C1orf105: variants seen among roughly 807,000 people sequenced by gnomAD.
C1orf105 encodes chromosome 1 open reading frame 105.
A neutral mutation model predicts 20.8 loss-of-function variants in C1orf105; 17 were observed. The ratio of observed to expected loss-of-function variants is 0.82; its 90% CI spans 0.56 to 1.23. C1orf105 has a LOEUF of 1.23. C1orf105 is among the 50% of genes most tolerant of loss of function. C1orf105 has a pLI of 0.00. For synonymous variants in C1orf105, 72 were observed against 72.1 expected (o/e 1.00, Z 0.01); for missense variants, 219 against 213.5 (o/e 1.03, Z -0.16).
intron 1 of C1orf105, among the ~76,000 whole-genome samples, chr1:172,437,634 A>C (rs1410413842): frequency 1.3e-5 from 2 of 151,206 alleles, no homozygotes; most frequent in East Asian, 3.9e-4. Context: ...ACCTAATGTA[A>C]ATGACGAGTT....
chr1:172,438,717 T>G (rs1052889720), intron 1 of C1orf105, among the ~76,000 whole-genome samples: 1 of 152,214 alleles, frequency 6.6e-6, no homozygotes, highest in South Asian at 2.1e-4. Flanking sequence ...CTACTGTGAG[T>G]AAAATGCTAT....
chr1:172,460,392 T>C (rs1649604549), intron 4 of C1orf105, among the ~76,000 whole-genome samples: 1 of 145,494 alleles, frequency 6.9e-6, no homozygotes, highest in Non-Finnish European at 1.5e-5. Context: ...GATATTTGCC[T>C]TGGTTTTATC....
At chr1:172,441,522 T>G in intron 1 of C1orf105, 1 of 424,026 alleles carries the variant, frequency 2.4e-6, no homozygotes, top group Non-Finnish European at 4.2e-6. Flanking sequence ...ATTCAAGAGG[T>G]CCCCAGAAAG....
rs5778735 is a variant in C1orf105, at chr1:172,462,939, A to AT, written c.341+705dup. Among the ~76,000 whole-genome samples, 799 of 150,700 alleles carry AT rather than the reference A, an allele frequency of 5.3e-3. 9 individuals are homozygous for AT. The highest frequency in any genetic ancestry group is 0.019 in the African/African-American group (763 of 40,908). The stretch of plus-strand genomic sequence containing the variant: ...AGATGTCCACCACCATGCCTGGCTA[A>AT]TTTTTTTTTTTCTTCTTAGTGGAAA... On this transcript the variant is annotated intron_variant, in intron 5 of 6. Transcript: ENST00000367727.
At chr1:172,428,188 T>C (rs966510997) in intron 1 of C1orf105, among the ~76,000 whole-genome samples, 2 of 152,184 alleles carry the variant, frequency 1.3e-5, no homozygotes, top group South Asian at 2.1e-4. Context: ...AAATTACATA[T>C]AGAACGTGAC....
intron 1 of C1orf105, among the ~76,000 whole-genome samples, chr1:172,429,676 A>G (rs1272229573): frequency 1.3e-5 from 2 of 152,176 alleles, no homozygotes; most frequent in Non-Finnish European, 2.9e-5. Context: ...TTAAATCCAC[A>G]ATGTAACCCA....
chr1:172,424,744 A>G (rs1393086562), intron 1 of C1orf105, among the ~76,000 whole-genome samples: 2 of 152,208 alleles, frequency 1.3e-5, no homozygotes, highest in African/African-American at 2.4e-5. Context: ...AGCAAGTTAG[A>G]GTCAAAGAGA....
chr1:172,466,857 A>G (rs1406999577), intron 6 of C1orf105, among the ~76,000 whole-genome samples: 1 of 152,154 alleles, frequency 6.6e-6, no homozygotes, highest in Non-Finnish European at 1.5e-5. Context: ...CAGGGGGAAT[A>G]GTTGTAAAAC....
chr1:172,453,872 T>C, intron 3 of C1orf105, among the ~76,000 whole-genome samples: 1 of 152,302 alleles, frequency 6.6e-6, no homozygotes, highest in South Asian at 2.1e-4. Context: ...CACTATGTCT[T>C]AAATGAGTAG....
At position 172,465,934 on chromosome 1, in the gene C1orf105, G is replaced by A. The variant is rs1362373559; in HGVS notation, c.406+571G>A. On this transcript the variant is annotated intron_variant, in intron 6 of 6. Coordinates refer to ENST00000367727, the MANE Select transcript of C1orf105 (RefSeq NM_139240.4). ...CACTGGGCTGGTGAAGATGGAGTGA[G>A]CCATTATTTGGGGTAATATAATTCA... Among the ~76,000 whole-genome samples, 6 of 152,232 alleles carry A rather than the reference G, an allele frequency of 3.9e-5. No individual in the cohort carries two copies. The East Asian group carries it at 1.2e-3, about 29-fold the overall frequency.
At chr1:172,448,208 C>T (rs1558136882) in intron 2 of C1orf105, among the ~76,000 whole-genome samples, 1 of 152,146 alleles carries the variant, frequency 6.6e-6, no homozygotes, top group Non-Finnish European at 1.5e-5. Flanking sequence ...CTTGTTTGTA[C>T]AGTGTCTGAC....
At chr1:172,427,756 C>A (rs12031216) in intron 1 of C1orf105, among the ~76,000 whole-genome samples, 105,074 of 152,090 alleles carry the variant, frequency 0.69, 40,406 homozygotes, top group East Asian at 1. Flanking sequence ...TTTTGCTGTC[C>A]AAATCTTTTT....
intron 1 of C1orf105, among the ~76,000 whole-genome samples, chr1:172,422,984 TTTC>T (rs2071629142): frequency 6.6e-6 from 1 of 152,120 alleles, no homozygotes; most frequent in Non-Finnish European, 1.5e-5. Context: ...ACCAGGTAGA[TTTC>T]TAAAGTTTCC....
At chr1:172,423,257 C>T (rs1384511433) in intron 1 of C1orf105, among the ~76,000 whole-genome samples, 1 of 152,188 alleles carries the variant, frequency 6.6e-6, no homozygotes, top group Non-Finnish European at 1.5e-5. Context: ...TATCACCCCT[C>T]CCTTAGCTCC....
chr1:172,430,468 G>A (rs1272009542), intron 1 of C1orf105: 5 of 585,496 alleles, frequency 8.5e-6, no homozygotes, highest in African/African-American at 5.6e-5. Flanking sequence ...TTGAGACAGG[G>A]TCTTGCTTTT....
chr1:172,442,254 G>C (rs776975185), intron 1 of C1orf105: 1 of 1,613,868 alleles, frequency 6.2e-7, no homozygotes, highest in Non-Finnish European at 8.5e-7. Context: ...TGAAGACTAG[G>C]GCACTCTTCA....
intron 1 of C1orf105, among the ~76,000 whole-genome samples, chr1:172,437,547 A>T (rs2149165444): frequency 8.1e-6 from 1 of 123,458 alleles, no homozygotes; most frequent in Admixed American, 1.0e-4. Context: ...GAACACTTTG[A>T]CACAGGGTGG....
chr1:172,462,260 T>C lies in C1orf105; in HGVS notation c.341+15T>C, dbSNP rs1271403081. On this transcript the variant is annotated intron_variant, in intron 5 of 6. Transcript: ENST00000367727. ...ATGAGTTATAGGTAAGTCAACAATT[T>C]AAATCAGGACATGACTTAATTCTTG... 6.4e-7 allele frequency: 1 copy of C among 1,574,344 alleles called. No homozygotes were observed. Among genetic ancestry groups the C allele is most frequent in the Non-Finnish European group, 8.7e-7 (1 of 1,150,184 alleles).
At chr1:172,425,554 G>A (rs1038224782) in intron 1 of C1orf105, among the ~76,000 whole-genome samples, 2 of 152,000 alleles carry the variant, frequency 1.3e-5, no homozygotes, top group Admixed American at 1.3e-4. Context: ...CCTCTTGGTG[G>A]CCAAAGGAGT....
Sources: gnomAD v4.1 joint callset for allele counts (sites outside exome capture counted in the v4.1 genomes callset) on GRCh38, gnomAD v4.1.1 for gene constraint, MANE v1.5 for transcripts, NCBI Gene and HGNC (gene_info 2026-07-23, HGNC 2026-07-21) for gene names.